Variants in ZFPM2 observed in about 807,000 individuals in gnomAD.
The protein encoded by ZFPM2 is zinc finger protein, FOG family member 2, also known as zinc finger protein ZFPM2.
A neutral mutation model predicts 98.6 loss-of-function variants in ZFPM2; 20 were observed. The ratio of observed to expected loss-of-function variants is 0.20; its 90% confidence interval spans 0.14 to 0.29. The LOEUF is 0.29. Among genes scored for constraint, ZFPM2 ranks in the 10% least tolerant of loss-of-function variants. The pLI, the probability that ZFPM2 is intolerant of heterozygous loss-of-function variation, is 1.00. For synonymous variants in ZFPM2, 518 were observed against 502.7 expected (o/e 1.03, Z -0.41); for missense variants, 1,310 against 1,388.6 (o/e 0.94, Z 0.90).
At chr8:105,747,749 T>C (rs1177411086) in intron 5 of ZFPM2, among the ~76,000 whole-genome samples, 1 of 152,116 alleles carries the variant, frequency 6.6e-6, no homozygotes, top group Non-Finnish European at 1.5e-5. Flanking sequence ...CTGTTAAATA[T>C]ACTAGTGTGG....
chr8:105,712,222 A>C (rs1811418281), intron 5 of ZFPM2, among the ~76,000 whole-genome samples: 1 of 152,088 alleles, frequency 6.6e-6, no homozygotes, highest in South Asian at 2.1e-4. Context: ...ATGCTACTAG[A>C]GGAATGTATT....
intron 3 of ZFPM2, among the ~76,000 whole-genome samples, chr8:105,468,251 C>A (rs1448607567): frequency 6.6e-6 from 1 of 152,038 alleles, no homozygotes; most frequent in East Asian, 1.9e-4. Flanking sequence ...CACTTGCCTG[C>A]CATTTTCTCT....
chr8:105,427,350 A>T (rs1811936009), intron 2 of ZFPM2, among the ~76,000 whole-genome samples: 1 of 152,174 alleles, frequency 6.6e-6, no homozygotes. Context: ...ACCCATGGTC[A>T]TTTATATGAG....
intron 3 of ZFPM2, among the ~76,000 whole-genome samples, chr8:105,546,618 CA>C (rs1021536857): frequency 2.0e-4 from 30 of 148,680 alleles, no homozygotes; most frequent in Non-Finnish European, 3.7e-4. Context: ...AAACTTATAA[CA>C]TGTATTGAGT....
intron 1 of ZFPM2, among the ~76,000 whole-genome samples, chr8:105,396,696 A>G (rs1419311195): frequency 6.6e-6 from 1 of 152,310 alleles, no homozygotes; most frequent in Non-Finnish European, 1.5e-5. Context: ...GTTGCATTTC[A>G]AGGACAATGA....
intron 5 of ZFPM2, among the ~76,000 whole-genome samples, chr8:105,757,673 C>T (rs1812635258): frequency 1.3e-5 from 2 of 152,096 alleles, no homozygotes; most frequent in Non-Finnish European, 2.9e-5. Flanking sequence ...TACTTACACA[C>T]CTACCAACAA....
chr8:105,795,003 G>GT (rs1586275690), intron 6 of ZFPM2, among the ~76,000 whole-genome samples: 2 of 152,256 alleles, frequency 1.3e-5, no homozygotes, highest in East Asian at 3.9e-4. Flanking sequence ...CTTTGACTAG[G>GT]AAAGGGAACT....
chr8:105,574,847 A>C (rs183999058), intron 4 of ZFPM2, among the ~76,000 whole-genome samples: 51 of 151,440 alleles, frequency 3.4e-4, no homozygotes, highest in Non-Finnish European at 6.0e-4. Flanking sequence ...CACACGCAGC[A>C]TATTAGTGCA....
At chr8:105,615,182 A>T (rs1816388855) in intron 4 of ZFPM2, among the ~76,000 whole-genome samples, 1 of 152,034 alleles carries the variant, frequency 6.6e-6, no homozygotes, top group Non-Finnish European at 1.5e-5. Flanking sequence ...ATGAAAAAAA[A>T]AACACTCTTA....
At chr8:105,412,569 G>T (rs1811598246) in intron 1 of ZFPM2, among the ~76,000 whole-genome samples, 1 of 151,626 alleles carries the variant, frequency 6.6e-6, no homozygotes, top group Non-Finnish European at 1.5e-5. Context: ...CATTCTTCTG[G>T]CAGACAAGAG....
At chr8:105,463,165 T>G (rs537132874) in intron 3 of ZFPM2, among the ~76,000 whole-genome samples, 1 of 152,152 alleles carries the variant, frequency 6.6e-6, no homozygotes, top group African/African-American at 2.4e-5. Flanking sequence ...AAAATATAAT[T>G]TTAAGCTTCC....
chr8:105,360,465 TTTA>T (rs1360080726), intron 1 of ZFPM2, among the ~76,000 whole-genome samples: 42 of 152,164 alleles, frequency 2.8e-4, no homozygotes, highest in East Asian at 2.7e-3. Context: ...GGAACATACT[TTTA>T]TTTATTTATT....
intron 1 of ZFPM2, among the ~76,000 whole-genome samples, chr8:105,338,592 A>G (rs931874018): frequency 5.3e-5 from 8 of 151,896 alleles, no homozygotes; most frequent in Non-Finnish European, 1.0e-4. Context: ...TAGTGAACAA[A>G]TATCTGTCCA....
chr8:105,397,275 G>A, intron 1 of ZFPM2, among the ~76,000 whole-genome samples: 1 of 151,944 alleles, frequency 6.6e-6, no homozygotes, highest in South Asian at 2.1e-4. Context: ...ATATAAAAGG[G>A]AACCGCTTTA....
chr8:105,749,426 G>C (rs1166125254), intron 5 of ZFPM2, among the ~76,000 whole-genome samples: 2 of 152,000 alleles, frequency 1.3e-5, no homozygotes, highest in African/African-American at 4.8e-5. Flanking sequence ...GGGGGCAAAA[G>C]GACAAAATTG....
intron 4 of ZFPM2, among the ~76,000 whole-genome samples, chr8:105,579,900 T>C (rs1033962714): frequency 6.6e-6 from 1 of 152,132 alleles, no homozygotes; most frequent in Non-Finnish European, 1.5e-5. Flanking sequence ...AAGACTCAAA[T>C]ATAGCTGTGC....
At chr8:105,422,664 GT>G (rs1198219143) in intron 2 of ZFPM2, among the ~76,000 whole-genome samples, 2 of 151,958 alleles carry the variant, frequency 1.3e-5, no homozygotes, top group East Asian at 1.9e-4. Flanking sequence ...TAAATTGAAT[GT>G]TTTTTTCTTG....
At chr8:105,665,234 G>T (rs1212994003) in intron 5 of ZFPM2, among the ~76,000 whole-genome samples, 1 of 152,072 alleles carries the variant, frequency 6.6e-6, no homozygotes, top group Non-Finnish European at 1.5e-5. Context: ...CTTCATGAGG[G>T]TGGTGCCTCA....
intron 4 of ZFPM2, among the ~76,000 whole-genome samples, chr8:105,569,857 C>T (rs145219749): frequency 5.9e-5 from 9 of 152,142 alleles, no homozygotes; most frequent in Non-Finnish European, 8.8e-5. Flanking sequence ...AGGTGGCAGT[C>T]GCCCACTGTG....
Sources: allele counts gnomAD v4.1 joint callset (sites outside exome capture counted in the v4.1 genomes callset), GRCh38; gene constraint gnomAD v4.1.1; transcripts MANE v1.5; gene names NCBI Gene and HGNC (gene_info 2026-07-23, HGNC 2026-07-21).